ABCB11: variants seen among roughly 807,000 people sequenced by gnomAD.
The protein encoded by ABCB11 is bile salt export pump.
A neutral mutation model predicts 148.0 loss-of-function variants in ABCB11; 95 were observed. The observed-to-expected ratio is 0.64, with a 90% confidence interval of 0.54 to 0.76. The LOEUF (loss-of-function observed/expected upper bound fraction) is 0.76. Among genes scored for constraint, ABCB11 ranks in the 30% least tolerant of loss-of-function variants. The probability of loss-of-function intolerance (pLI) is 0.00; values close to 1 mark genes in which losing one functional copy is unlikely to be tolerated. For synonymous variants in ABCB11, 591 were observed against 555.4 expected, an observed-to-expected ratio of 1.06 and a Z score of -0.90; for missense variants, 1,523 against 1,617.8, an observed-to-expected ratio of 0.94 and a Z score of 1.01.
At chr2:168,964,160 A>G (rs1441700894) in intron 18 of ABCB11, 46 bp downstream of exon 18, 1 of 1,412,624 alleles carries the variant, frequency 7.1e-7, no homozygotes, top group East Asian at 2.5e-5. Context: ...AACAGTCCCC[A>G]GGAGAGACTT....
chr2:168,925,937 G>A (rs1341558574), intron 26 of ABCB11, among the ~76,000 whole-genome samples: 1 of 152,152 alleles, frequency 6.6e-6, no homozygotes, highest in African/African-American at 2.4e-5. Flanking sequence ...TTGATCTCTG[G>A]ATTCAGCAAA....
chr2:168,955,857 C>T (rs116691959), intron 19 of ABCB11, among the ~76,000 whole-genome samples: 2 of 151,598 alleles, frequency 1.3e-5, no homozygotes, highest in Admixed American at 6.6e-5. Flanking sequence ...TTGGGTAAAT[C>T]CTTCTGTTCT....
chr2:168,935,553 G>T, intron 22 of ABCB11, 128 bp from the exon 23 acceptor site: 1 of 1,267,282 alleles, frequency 7.9e-7, no homozygotes, highest in Non-Finnish European at 1.1e-6. Flanking sequence ...TGCATCATCT[G>T]GGAATACAAA....
At chr2:169,026,865 A>G (rs1181591677) in intron 1 of ABCB11, among the ~76,000 whole-genome samples, 1 of 152,124 alleles carries the variant, frequency 6.6e-6, no homozygotes, top group Non-Finnish European at 1.5e-5. Context: ...GGCACTTTCT[A>G]TGATTTAAGA....
chr2:168,950,815 T>C (rs542592216), intron 19 of ABCB11, among the ~76,000 whole-genome samples: 5 of 151,816 alleles, frequency 3.3e-5, no homozygotes, highest in African/African-American at 1.2e-4. Flanking sequence ...GTTTTGGTTG[T>C]GTTTGCTTTT....
chr2:168,931,893 C>A (rs145811490), intron 24 of ABCB11, among the ~76,000 whole-genome samples: 1 of 152,234 alleles, frequency 6.6e-6, no homozygotes, highest in Non-Finnish European at 1.5e-5. Flanking sequence ...ATGAATGAAC[C>A]CATATACAGC....
intron 21 of ABCB11, among the ~76,000 whole-genome samples, chr2:168,936,713 C>T (rs1007391801): frequency 8.5e-5 from 13 of 152,084 alleles, no homozygotes; most frequent in Non-Finnish European, 1.6e-4. Context: ...CTCTTGGTGA[C>T]TTCTATTCTA....
At chr2:169,014,165 T>C (rs1256243062) in intron 4 of ABCB11, 138 bp downstream of exon 4, 4 of 806,268 alleles carry the variant, frequency 5.0e-6, no homozygotes, top group South Asian at 3.0e-5. Context: ...TGTTATCACA[T>C]AGGCAAAGCC....
intron 5 of ABCB11, among the ~76,000 whole-genome samples, chr2:168,998,780 T>C (rs1331338924): frequency 1.3e-5 from 2 of 152,104 alleles, no homozygotes; most frequent in East Asian, 1.9e-4. Flanking sequence ...TGCTGGATGG[T>C]GCAGATAAAG....
chr2:168,969,371 G>C lies in ABCB11; in HGVS notation c.1990C>G (p.Leu664Val), dbSNP rs367713824. 1.7e-5 allele frequency: 27 copies of C among 1,612,110 alleles called. No homozygotes were observed. Among genetic ancestry groups the C allele is most frequent in the Non-Finnish European group, 2.2e-5 (26 of 1,179,070 alleles). ...TTGCCCTTTATGTCCTCTTCATTAA[G>C]AGCTTGATTTCCCTGGCTTTGCAAA... ...VTLQSQGNQA[L>V]NEEDIKDATE... The change falls in exon 16 of 28, where the codon CTT becomes GTT. Residue 664 changes from leucine (L) to valine (V), a missense_variant. Physicochemically the swap from Leu to Val is conservative, Grantham distance 32 (BLOSUM62 1). Transcript: ENST00000650372.
intron 16 of ABCB11, among the ~76,000 whole-genome samples, chr2:168,968,713 C>T (rs531121280): frequency 6.6e-6 from 1 of 151,256 alleles, no homozygotes; most frequent in East Asian, 2.0e-4. Context: ...CATACAATAG[C>T]TTGTTACCTC....
chr2:168,979,664 C>T (rs1037769824), intron 11 of ABCB11, among the ~76,000 whole-genome samples: 33 of 115,330 alleles, frequency 2.9e-4, no homozygotes, highest in Admixed American at 2.3e-3. Context: ...AAGAGCGAAA[C>T]TCCATCTCAA....
intron 18 of ABCB11, among the ~76,000 whole-genome samples, chr2:168,958,962 A>C (rs558133158): frequency 6.6e-6 from 1 of 151,786 alleles, no homozygotes; most frequent in African/African-American, 2.4e-5. Flanking sequence ...TGATTTTTAA[A>C]AGCTTTTCTA....
intron 6 of ABCB11, among the ~76,000 whole-genome samples, chr2:168,995,747 C>A (rs1334864392): frequency 6.6e-6 from 1 of 151,794 alleles, no homozygotes; most frequent in South Asian, 2.1e-4. Flanking sequence ...GGACTTTACC[C>A]TACAGAGCTT....
chr2:168,977,734 G>A (rs1693971518), intron 11 of ABCB11, among the ~76,000 whole-genome samples: 1 of 152,152 alleles, frequency 6.6e-6, no homozygotes, highest in African/African-American at 2.4e-5. Flanking sequence ...GAAGGCAAAG[G>A]GGAAGCAAAG....
Position 168,964,424 on chromosome 2 carries a change from C to G in ABCB11, c.2076-116G>C. The G allele has an allele frequency of 3.6e-6, 3 of 834,576 alleles. No individual in the cohort carries two copies. The South Asian group carries it at 5.0e-5, about 14-fold the overall frequency. 51.7% of individuals were successfully genotyped at this position (834,576 alleles called of 1,614,324 possible). A position where few individuals can be genotyped will look rare whatever the true frequency, so the allele number is the denominator to read the frequency against. On this transcript the variant is annotated intron_variant, in intron 17 of 27. Transcript: ENST00000650372. ...ATAAATAGAAATGTTTGGTAGGTCA[C>G]ATGGTAACCAGGAAAGGGAGCTTGC...
At chr2:169,030,593 A>G (rs1573999327) in intron 1 of ABCB11, among the ~76,000 whole-genome samples, 1 of 152,198 alleles carries the variant, frequency 6.6e-6, no homozygotes, top group African/African-American at 2.4e-5. Context: ...TGTGAATAAT[A>G]TTTGATCTCT....
chr2:168,916,922 T>C (rs190627522), downstream of ABCB11, among the ~76,000 whole-genome samples: 37 of 152,328 alleles, frequency 2.4e-4, no homozygotes, highest in African/African-American at 7.0e-4. Context: ...TAAACCAACA[T>C]GATGAAACTG....
chr2:168,963,922 A>T (rs926640123), intron 18 of ABCB11, among the ~76,000 whole-genome samples: 1 of 151,884 alleles, frequency 6.6e-6, no homozygotes, highest in Non-Finnish European at 1.5e-5. Context: ...TCTAGAATTC[A>T]CACATTCTGT....
Sources: allele counts gnomAD v4.1 joint callset (sites outside exome capture counted in the v4.1 genomes callset), GRCh38; gene constraint gnomAD v4.1.1; transcripts MANE v1.5; gene names NCBI Gene and HGNC (gene_info 2026-07-23, HGNC 2026-07-21).